CDYL2: variants seen among roughly 807,000 people sequenced by gnomAD.
CDYL2 encodes chromodomain Y like 2, also known as chromodomain Y-like protein 2.
In CDYL2, 23 loss-of-function variants were observed where a neutral mutation model predicts 49.4. The observed-to-expected ratio is 0.47, with a 90% CI of 0.34 to 0.66. The LOEUF is 0.66. CDYL2 is among the 30% of genes least tolerant of loss of function. CDYL2 has a pLI of 0.01. For missense variants in CDYL2, 678 were observed against 656.4 expected, an observed-to-expected ratio of 1.03 and a Z score of -0.36; for synonymous variants, 360 against 268.8, an observed-to-expected ratio of 1.34 and a Z score of -3.32.
chr16:80,624,178 C>A (rs897812655), intron 3 of CDYL2, among the ~76,000 whole-genome samples: 2 of 152,184 alleles, frequency 1.3e-5, no homozygotes, highest in Non-Finnish European at 2.9e-5. Flanking sequence ...GTTGGCCAGG[C>A]TGAAAAGGTA....
intron 1 of CDYL2, among the ~76,000 whole-genome samples, chr16:80,793,159 C>A (rs1907662542): frequency 6.6e-6 from 1 of 152,166 alleles, no homozygotes; most frequent in Non-Finnish European, 1.5e-5. Flanking sequence ...GACAGTATAT[C>A]TCAAACTAGG....
intron 1 of CDYL2, chr16:80,736,346 GT>G (rs1345337625): frequency 1.8e-4 from 28 of 152,330 alleles, no homozygotes; most frequent in African/African-American, 6.3e-4. Context: ...CGTGAGTTTA[GT>G]TTGCAACACT....
At chr16:80,618,811 G>A (rs1597126974) in intron 4 of CDYL2, among the ~76,000 whole-genome samples, 1 of 152,240 alleles carries the variant, frequency 6.6e-6, no homozygotes, top group African/African-American at 2.4e-5. Flanking sequence ...CAGCCATTGA[G>A]GACGTTGGGC....
rs73583938 is a variant in CDYL2, at chr16:80,790,285, G to C, written c.24+13865C>G. 7.7e-3 allele frequency among the ~76,000 whole-genome samples: 1,170 copies of C among 151,994 alleles called. 17 individuals are homozygous for C. Among genetic ancestry groups the C allele is most frequent in the African/African-American group, 0.027 (1,116 of 41,302 alleles). On this transcript the variant is annotated intron_variant, in intron 1 of 6. Coordinates refer to ENST00000570137, the MANE Select transcript of CDYL2 (RefSeq NM_152342.4). ...GACGTGGCTACACAAATGCCAAGGG[G>C]GTGGTAATAAAATAAAGAAATACCT...
chr16:80,681,144 T>G (rs1909952350), intron 2 of CDYL2, among the ~76,000 whole-genome samples: 1 of 152,178 alleles, frequency 6.6e-6, no homozygotes, highest in African/African-American at 2.4e-5. Flanking sequence ...CTGTTCTGTA[T>G]GCAGAACCTT....
rs964839728 is a variant in CDYL2, at chr16:80,804,483, C to G, written c.-310G>C. On this transcript the variant is annotated 5_prime_UTR_variant, in exon 1 of 7. Transcript: ENST00000570137. ...AGGCACGGACGCGGCCCGAGCGCCG[C>G]GGCCCCCGCGACCCGGCGACCCGGC... Among the ~76,000 whole-genome samples, 29 of 144,106 alleles carry G rather than the reference C, an allele frequency of 2.0e-4. No individual in the cohort carries two copies. The highest frequency in any genetic ancestry group is 4.3e-4 in the Non-Finnish European group (28 of 65,136). The allele number at this position is 144,106 out of a possible 152,430, so 94.5% of individuals were successfully genotyped here.
chr16:80,607,957 T>C (rs1469327447), intron 6 of CDYL2, 135 bp downstream of exon 6: 1 of 1,033,142 alleles, frequency 9.7e-7, no homozygotes, highest in African/African-American at 1.7e-5. Flanking sequence ...AAGGCATTTG[T>C]TAAATTGCAA....
intron 1 of CDYL2, among the ~76,000 whole-genome samples, chr16:80,739,733 A>G (rs543460497): frequency 6.6e-6 from 1 of 152,324 alleles, no homozygotes; most frequent in Admixed American, 6.5e-5. Flanking sequence ...GGGAGCCAGA[A>G]TGAGTCATAG....
chr16:80,648,459 C>G (rs1485581352), intron 2 of CDYL2, among the ~76,000 whole-genome samples: 1 of 151,894 alleles, frequency 6.6e-6, no homozygotes, highest in South Asian at 2.1e-4. Flanking sequence ...CGAAGAAATC[C>G]AAAACCTGAA....
chr16:80,661,335 G>A (rs761525626), intron 2 of CDYL2, among the ~76,000 whole-genome samples: 9 of 152,130 alleles, frequency 5.9e-5, no homozygotes, highest in African/African-American at 2.2e-4. Flanking sequence ...ATCTACACCT[G>A]CCCCCACAAC....
At chr16:80,778,879 G>C (rs961413355) in intron 1 of CDYL2, among the ~76,000 whole-genome samples, 3 of 151,962 alleles carry the variant, frequency 2.0e-5, no homozygotes, top group African/African-American at 7.2e-5. Context: ...TCAAGTCAGA[G>C]GGAAAATAAT....
At chr16:80,644,189 A>C (rs1308696230) in intron 2 of CDYL2, among the ~76,000 whole-genome samples, 1 of 152,242 alleles carries the variant, frequency 6.6e-6, no homozygotes, top group Non-Finnish European at 1.5e-5. Flanking sequence ...AAATGCCACC[A>C]GTTGCTTTGC....
At chr16:80,730,371 C>T (rs542078840) in intron 1 of CDYL2, among the ~76,000 whole-genome samples, 3 of 151,876 alleles carry the variant, frequency 2.0e-5, no homozygotes, top group South Asian at 4.2e-4. Flanking sequence ...ATAAATTCCT[C>T]GACACATACA....
chr16:80,770,883 T>C (rs1026981428), intron 1 of CDYL2, among the ~76,000 whole-genome samples: 1 of 152,124 alleles, frequency 6.6e-6, no homozygotes, highest in Non-Finnish European at 1.5e-5. Flanking sequence ...ACAGCCAAGA[T>C]CTGGGAGAAA....
intron 1 of CDYL2, among the ~76,000 whole-genome samples, chr16:80,718,938 C>T (rs575888426): frequency 6.6e-6 from 1 of 152,156 alleles, no homozygotes; most frequent in East Asian, 1.9e-4. Context: ...GAGAGCAGAA[C>T]CAGGAAACCA....
intron 1 of CDYL2, among the ~76,000 whole-genome samples, chr16:80,749,070 T>C (rs1417157645): frequency 6.6e-6 from 1 of 152,100 alleles, no homozygotes; most frequent in East Asian, 1.9e-4. Flanking sequence ...AAATAAAATA[T>C]ATATAGCAAA....
intron 1 of CDYL2, among the ~76,000 whole-genome samples, chr16:80,752,494 T>A (rs2142564986): frequency 6.6e-6 from 1 of 151,944 alleles, no homozygotes; most frequent in East Asian, 1.9e-4. Flanking sequence ...AAAGATAAAT[T>A]CTGAAAAGTA....
At position 80,633,064 on chromosome 16, in the gene CDYL2, G is replaced by A; in HGVS notation, c.789C>T (p.Ile263=). The part of the protein sequence containing the change: ...VVRKEEGFTH[I]LLSSQTSDNN... ...TATCCGAGGTCTGACTGGACAGCAG[G>A]ATGTGCGTGAACCCTTCTTCCTTCC... The change falls in exon 3 of 7, where the codon ATC becomes ATT. Residue 263 remains isoleucine, a synonymous_variant. Coordinates refer to ENST00000570137, the MANE Select transcript of CDYL2 (RefSeq NM_152342.4). The A allele has an allele frequency of 1.2e-6, 2 of 1,614,156 alleles. No individual in the cohort carries two copies.
intron 1 of CDYL2, among the ~76,000 whole-genome samples, chr16:80,758,722 T>C (rs1906405860): frequency 6.6e-6 from 1 of 151,896 alleles, no homozygotes; most frequent in Non-Finnish European, 1.5e-5. Flanking sequence ...TTTTGTATTT[T>C]TAGTAGAGAC....
Sources: gnomAD v4.1 joint callset for allele counts (sites outside exome capture counted in the v4.1 genomes callset) on GRCh38, gnomAD v4.1.1 for gene constraint, MANE v1.5 for transcripts, NCBI Gene and HGNC (gene_info 2026-07-23, HGNC 2026-07-21) for gene names.